Variants in FARS2 observed in about 807,000 individuals in gnomAD.
The protein encoded by FARS2 is phenylalanyl-tRNA synthetase 2, mitochondrial.
A neutral mutation model predicts 46.4 loss-of-function variants in FARS2; 40 were observed. The observed-to-expected ratio is 0.86, with a 90% CI of 0.67 to 1.12. FARS2 has a LOEUF of 1.12. Ranked by LOEUF, FARS2 falls within the 50% of genes most tolerant of loss-of-function variation. The pLI is 0.00. For synonymous variants in FARS2, 234 were observed against 214.9 expected (o/e 1.09, Z -0.78); for missense variants, 513 against 567.9 (o/e 0.90, Z 0.98).
intron 6 of FARS2, among the ~76,000 whole-genome samples, chr6:5,688,906 A>C (rs2150855635): frequency 6.6e-6 from 1 of 152,254 alleles, no homozygotes; most frequent in East Asian, 1.9e-4. Context: ...TCAGAGATTC[A>C]ACTTCTTCCT....
chr6:5,389,746 C>T (rs1162187992), intron 2 of FARS2, among the ~76,000 whole-genome samples: 1 of 152,174 alleles, frequency 6.6e-6, no homozygotes, highest in Non-Finnish European at 1.5e-5. Context: ...GGAAAAATGC[C>T]TGTAGTTTGA....
chr6:5,701,328 A>G (rs1221456061), intron 6 of FARS2, among the ~76,000 whole-genome samples: 1 of 152,228 alleles, frequency 6.6e-6, no homozygotes, highest in African/African-American at 2.4e-5. Flanking sequence ...GCCACCGTAA[A>G]TCACCTCTCC....
chr6:5,561,514 T>G (rs917796785), intron 5 of FARS2, among the ~76,000 whole-genome samples: 1 of 152,164 alleles, frequency 6.6e-6, no homozygotes, highest in Non-Finnish European at 1.5e-5. Flanking sequence ...TCTGGAAAAG[T>G]CTAATATTAA....
At chr6:5,658,950 G>A (rs138588176) in intron 6 of FARS2, among the ~76,000 whole-genome samples, 1 of 152,328 alleles carries the variant, frequency 6.6e-6, no homozygotes, top group African/African-American at 2.4e-5. Context: ...GCCCCAACAC[G>A]AATGTTGGCC....
At chr6:5,599,868 G>T (rs1372377913) in intron 5 of FARS2, among the ~76,000 whole-genome samples, 15 of 151,836 alleles carry the variant, frequency 9.9e-5, no homozygotes, top group African/African-American at 3.6e-4. Flanking sequence ...ATTTAACAAA[G>T]ATTTCTCAGG....
At chr6:5,666,836 A>G (rs529737608) in intron 6 of FARS2, among the ~76,000 whole-genome samples, 11 of 152,384 alleles carry the variant, frequency 7.2e-5, no homozygotes, top group African/African-American at 2.6e-4. Flanking sequence ...CATCAATGGT[A>G]GACGAGATAA....
intron 6 of FARS2, among the ~76,000 whole-genome samples, chr6:5,653,760 C>G (rs1335092847): frequency 1.3e-5 from 2 of 152,214 alleles, no homozygotes; most frequent in Non-Finnish European, 2.9e-5. Flanking sequence ...TGTTACCTGT[C>G]AGATGCTCCT....
At chr6:5,692,794 A>G (rs1757841316) in intron 6 of FARS2, among the ~76,000 whole-genome samples, 2 of 152,174 alleles carry the variant, frequency 1.3e-5, no homozygotes, top group Admixed American at 1.3e-4. Context: ...GTGCGTCACT[A>G]TTTTTATATC....
At chr6:5,266,284 T>C (rs536145421) in intron 1 of FARS2, among the ~76,000 whole-genome samples, 4 of 152,274 alleles carry the variant, frequency 2.6e-5, no homozygotes, top group African/African-American at 7.2e-5. Context: ...GGCTTTCATA[T>C]GTTTTAGGCA....
chr6:5,525,740 T>G (rs1336836510), intron 4 of FARS2, among the ~76,000 whole-genome samples: 4 of 152,264 alleles, frequency 2.6e-5, no homozygotes, highest in Admixed American at 2.6e-4. Flanking sequence ...ATGTTTAACT[T>G]TCTCTCAGAA....
intron 3 of FARS2, among the ~76,000 whole-genome samples, chr6:5,408,157 A>G (rs1336772689): frequency 6.6e-6 from 1 of 152,224 alleles, no homozygotes; most frequent in Admixed American, 6.5e-5. Flanking sequence ...CCCTGTCTTC[A>G]AAGAGCCATG....
chr6:5,486,899 C>A (rs1033345080), intron 4 of FARS2, among the ~76,000 whole-genome samples: 2 of 152,134 alleles, frequency 1.3e-5, no homozygotes, highest in African/African-American at 4.8e-5. Flanking sequence ...GTATTATTAG[C>A]AATCTCAAAT....
chr6:5,376,359 A>T (rs1759381147), intron 2 of FARS2, among the ~76,000 whole-genome samples: 1 of 152,210 alleles, frequency 6.6e-6, no homozygotes, highest in South Asian at 2.1e-4. Context: ...AACTCAGCAG[A>T]TTAGCAAAAT....
intron 2 of FARS2, among the ~76,000 whole-genome samples, chr6:5,370,022 G>A (rs1372178092): frequency 6.6e-6 from 1 of 151,960 alleles, no homozygotes; most frequent in Non-Finnish European, 1.5e-5. Flanking sequence ...CTAAGCACAG[G>A]GTGTATTTCA....
At chr6:5,276,308 G>T (rs1476682632) in intron 1 of FARS2, among the ~76,000 whole-genome samples, 1 of 152,140 alleles carries the variant, frequency 6.6e-6, no homozygotes, top group African/African-American at 2.4e-5. Flanking sequence ...TGTCGATTTG[G>T]TCTCATTTCA....
chr6:5,550,894 CCT>C (rs1230428939), intron 5 of FARS2, among the ~76,000 whole-genome samples: 1 of 152,114 alleles, frequency 6.6e-6, no homozygotes, highest in East Asian at 1.9e-4. Context: ...TTCAAAGAGC[CCT>C]CTGTTTGACT....
intron 4 of FARS2, among the ~76,000 whole-genome samples, chr6:5,521,238 T>A (rs1229014231): frequency 6.6e-6 from 1 of 152,138 alleles, no homozygotes; most frequent in Non-Finnish European, 1.5e-5. Flanking sequence ...AAGATTTAGG[T>A]TTTGGTGCTG....
chr6:5,750,178 C>T (rs1761867075), intron 6 of FARS2, among the ~76,000 whole-genome samples: 2 of 152,056 alleles, frequency 1.3e-5, no homozygotes, highest in Admixed American at 6.5e-5. Context: ...AGGGGAATAC[C>T]TAGAAGAGTG....
Position 5,630,296 on chromosome 6 carries a change from A to T in FARS2, c.1217+16976A>T, listed in dbSNP as rs2150717079. 6.6e-6 allele frequency among the ~76,000 whole-genome samples: 1 copy of T among 152,300 alleles called. No homozygotes were observed. The highest frequency in any genetic ancestry group is 2.4e-5 in the African/African-American group (1 of 41,560). On this transcript the variant is annotated intron_variant, in intron 6 of 6. Transcript: ENST00000274680. This position sits in a 1 kb window ranked among gnomAD's most constrained non-coding sequence, Gnocchi z 4.2. The stretch of plus-strand genomic sequence containing the variant: ...ATTGGAAGGTACAGTCTCTTGCAGG[A>T]GTGAGACTGTAGTGTCATCAGAAAA...
Sources: allele counts gnomAD v4.1 joint callset (sites outside exome capture counted in the v4.1 genomes callset), GRCh38; gene constraint gnomAD v4.1.1; non-coding constraint Gnocchi (gnomAD v3.1); transcripts MANE v1.5; gene names NCBI Gene and HGNC (gene_info 2026-07-23, HGNC 2026-07-21).